DYSF: variants seen among roughly 807,000 people sequenced by gnomAD.
DYSF encodes the protein dystrophy-associated fer-1-like 1.
In DYSF, 212 loss-of-function variants were observed where a neutral mutation model predicts 274.9. The observed-to-expected ratio is 0.77, with a 90% CI of 0.69 to 0.86. DYSF has a LOEUF of 0.86. Among genes scored for constraint, DYSF ranks in the 40% least tolerant of loss-of-function variants. DYSF has a pLI of 0.00. For synonymous variants in DYSF, 1,091 were observed against 1,078.7 expected (o/e 1.01, Z -0.22); for missense variants, 2,666 against 2,783.2 (o/e 0.96, Z 0.95).
chr2:71,486,088 T>A (rs527942547), intron 3 of DYSF, among the ~76,000 whole-genome samples: 2 of 152,228 alleles, frequency 1.3e-5, no homozygotes, highest in South Asian at 2.1e-4. Context: ...CTTGCAACTG[T>A]CCTCAGGCCT....
At position 71,561,939 on chromosome 2, in the gene DYSF, G is replaced by A. The variant is rs1490128869; in HGVS notation, c.2404G>A (p.Glu802Lys). ...DWLLRLRALA[E>K]EPQNSLPDIV... ...GCTCCTGCGTCTGCGTGCCCTGGCAGAGGAGGTAATTAAGCCTGGGGGTGC... is the reference window on the plus strand; with the variant it reads ...GCTCCTGCGTCTGCGTGCCCTGGCAAAGGAGGTAATTAAGCCTGGGGGTGC... Residue 802 changes from glutamate (E) to lysine (K), a missense_variant, in exon 23 of 56, where the codon GAG becomes AAG. This residue lies in a region of DYSF where 412 missense variants were observed against 504.0 expected (regional missense o/e 0.82). Coordinates refer to ENST00000410020, the MANE Select transcript of DYSF (RefSeq NM_001130987.2). 2 of 1,613,674 alleles carry A rather than the reference G, an allele frequency of 1.2e-6. No homozygotes were observed. The highest frequency in any genetic ancestry group is 3.3e-5 in the Admixed American group (2 of 59,994).
chr2:71,608,375 C>A (rs2093683759), intron 36 of DYSF, among the ~76,000 whole-genome samples: 1 of 152,092 alleles, frequency 6.6e-6, no homozygotes, highest in South Asian at 2.1e-4. Context: ...GGGGGAGCCA[C>A]AGAGGCAGGC....
At chr2:71,676,358 A>G (rs2095222417) in intron 52 of DYSF, among the ~76,000 whole-genome samples, 1 of 151,672 alleles carries the variant, frequency 6.6e-6, no homozygotes, top group East Asian at 1.9e-4. Context: ...TTTCCTTTTT[A>G]TTTGCATTTT....
At chr2:71,553,285 A>T in intron 20 of DYSF, 97 bp downstream of exon 20, 1 of 1,561,672 alleles carries the variant, frequency 6.4e-7, no homozygotes, top group South Asian at 1.1e-5. Flanking sequence ...GCCAGAGTCT[A>T]CTCAAAGGCC....
intron 7 of DYSF, among the ~76,000 whole-genome samples, 169 bp from the exon 8 acceptor site, chr2:71,515,454 G>C (rs1371667072): frequency 6.6e-6 from 1 of 152,162 alleles, no homozygotes; most frequent in Non-Finnish European, 1.5e-5. Context: ...AGGGGCCTTG[G>C]TGGGAAAATA....
chr2:71,510,716 A>C (rs2086004425), intron 4 of DYSF, among the ~76,000 whole-genome samples: 1 of 152,238 alleles, frequency 6.6e-6, no homozygotes, highest in Non-Finnish European at 1.5e-5. Flanking sequence ...AGAAAGGTCC[A>C]GTGAACTGTG....
At chr2:71,455,978 C>G (rs2081045409) in intron 1 of DYSF, among the ~76,000 whole-genome samples, 1 of 152,172 alleles carries the variant, frequency 6.6e-6, no homozygotes, top group South Asian at 2.1e-4. Context: ...ATGGCAGGCA[C>G]TTTCTAACCC....
At chr2:71,634,583 T>C (rs2094366228) in intron 41 of DYSF, among the ~76,000 whole-genome samples, 1 of 152,250 alleles carries the variant, frequency 6.6e-6, no homozygotes. Context: ...TCTGTGAGTG[T>C]GTTAAAAATA....
intron 42 of DYSF, among the ~76,000 whole-genome samples, chr2:71,649,395 A>G (rs890344777): frequency 6.6e-6 from 1 of 152,184 alleles, no homozygotes; most frequent in Non-Finnish European, 1.5e-5. Context: ...CATAATAAGC[A>G]TAGAAGCAAG....
intron 45 of DYSF, among the ~76,000 whole-genome samples, chr2:71,661,645 T>A (rs1022073722): frequency 1.1e-4 from 16 of 152,136 alleles, no homozygotes; most frequent in Admixed American, 9.8e-4. Context: ...TGAATTGCTG[T>A]TTGGATGTGA....
At chr2:71,498,134 A>G (rs1190757896) in intron 3 of DYSF, among the ~76,000 whole-genome samples, 1 of 151,706 alleles carries the variant, frequency 6.6e-6, no homozygotes, top group African/African-American at 2.4e-5. Context: ...TTCCTTTGTT[A>G]TCTTGTCATG....
chr2:71,601,490 T>C lies in DYSF; in HGVS notation c.3898-9T>C. On this transcript the variant is annotated splice_polypyrimidine_tract_variant and intron_variant, in intron 34 of 55. Coordinates refer to ENST00000410020, the MANE Select transcript of DYSF (RefSeq NM_001130987.2). ...GCACATGACCAGAGCTCTCTTTTCT[T>C]CACTCCAGCCGGCCATCCACCATAT... 6.2e-7 allele frequency: 1 copy of C among 1,614,178 alleles called. No individual in the cohort carries two copies. Among genetic ancestry groups the C allele is most frequent in the East Asian group, 2.2e-5 (1 of 44,886 alleles).
chr2:71,562,039 C>T, intron 23 of DYSF, 95 bp downstream of exon 23: 1 of 1,505,982 alleles, frequency 6.6e-7, no homozygotes, highest in Admixed American at 2.0e-5. Context: ...GATTATTACC[C>T]ACCCCGGTTC....
intron 55 of DYSF, among the ~76,000 whole-genome samples, chr2:71,685,260 C>T (rs913511751): frequency 1.3e-5 from 2 of 152,226 alleles, no homozygotes; most frequent in African/African-American, 4.8e-5. Flanking sequence ...GGGCCACTCT[C>T]CTTTGAGTTC....
intron 13 of DYSF, among the ~76,000 whole-genome samples, chr2:71,526,805 A>G (rs2087971616): frequency 6.6e-6 from 1 of 152,216 alleles, no homozygotes; most frequent in Admixed American, 6.5e-5. Context: ...GATGAAGGAC[A>G]CAGATCCACA....
At chr2:71,578,908 G>A (rs965254135) in intron 30 of DYSF, among the ~76,000 whole-genome samples, 11 of 152,190 alleles carry the variant, frequency 7.2e-5, no homozygotes, top group East Asian at 1.9e-4. Context: ...CCCTGGCTCC[G>A]TCTGCTAATC....
At chr2:71,520,515 C>T (rs1408561810) in intron 11 of DYSF, among the ~76,000 whole-genome samples, 6 of 152,220 alleles carry the variant, frequency 3.9e-5, no homozygotes, top group African/African-American at 7.2e-5. Flanking sequence ...TCTCCTCACC[C>T]TGGTTTCCAT....
intron 52 of DYSF, among the ~76,000 whole-genome samples, chr2:71,678,087 T>C (rs1432956993): frequency 6.6e-6 from 1 of 152,230 alleles, no homozygotes; most frequent in Admixed American, 6.5e-5. Flanking sequence ...AAGATATCTT[T>C]GGGATAGGAC....
At position 71,553,096 on chromosome 2, in the gene DYSF, T is replaced by C; in HGVS notation, c.1892T>C (p.Phe631Ser). 1 of 1,614,170 alleles carries C rather than the reference T, an allele frequency of 6.2e-7. No individual in the cohort carries two copies. Among genetic ancestry groups the C allele is most frequent in the Non-Finnish European group, 8.5e-7 (1 of 1,180,026 alleles). ...MLQDVDDAIQ[F>S]EVSIGNYGNK... ...CAGGATGTGGATGATGCCATCCAGT[T>C]TGAGGTCAGCATCGGGAACTACGGG... The change falls in exon 20 of 56, where the codon TTT becomes TCT. Residue 631 changes from phenylalanine (F) to serine (S), a missense_variant. This residue lies in a region of DYSF where 412 missense variants were observed against 504.0 expected (regional missense o/e 0.82). Coordinates refer to ENST00000410020, the MANE Select transcript of DYSF (RefSeq NM_001130987.2).
Sources: allele counts gnomAD v4.1 joint callset (sites outside exome capture counted in the v4.1 genomes callset), GRCh38; gene constraint gnomAD v4.1.1; regional missense constraint gnomAD v4.1.1; transcripts MANE v1.5; gene names NCBI Gene and HGNC (gene_info 2026-07-23, HGNC 2026-07-21).